Variants in CEMIP observed in about 807,000 individuals in gnomAD.
CEMIP encodes cell migration inducing hyaluronidase 1, also known as cell migration-inducing and hyaluronan-binding protein.
CEMIP carries 105 observed loss-of-function variants against 156.9 expected under a neutral mutation model. The observed-to-expected ratio is 0.67, with a 90% CI of 0.57 to 0.79. The LOEUF (loss-of-function observed/expected upper bound fraction) is 0.79. Ranked by LOEUF, CEMIP falls within the 30% of genes least tolerant of loss-of-function variation. CEMIP has a pLI of 0.00. For missense variants in CEMIP, 1,457 were observed against 1,769.4 expected (o/e 0.82, Z 3.17); for synonymous variants, 676 against 668.4 (o/e 1.01, Z -0.17).
rs193001803 is a variant in CEMIP, at chr15:80,858,744, G to T, written c.-175-14794G>T. On this transcript the variant is annotated intron_variant, in intron 1 of 29. Transcript: ENST00000394685. ...CCATCTCAAAAAAAAAAGAAAAAAA[G>T]AACTAATCTTCATCTTTCCTTCTCC... Among the ~76,000 whole-genome samples, 17 of 152,082 alleles carry T rather than the reference G, an allele frequency of 1.1e-4. No homozygotes were observed. In the East Asian group the frequency reaches 2.9e-3, roughly 26 times the overall value.
intron 24 of CEMIP, among the ~76,000 whole-genome samples, chr15:80,937,175 A>G (rs1901160855): frequency 6.6e-6 from 1 of 152,206 alleles, no homozygotes; most frequent in Non-Finnish European, 1.5e-5. Flanking sequence ...ACCCAAGGAG[A>G]TAAGGTATGG....
In CEMIP at chr15:80,906,730, T is replaced by A; in HGVS notation, c.1479T>A (p.Leu493=). The A allele has an allele frequency of 6.2e-7, 1 of 1,614,196 alleles. No homozygotes were observed. Among genetic ancestry groups the A allele is most frequent in the Non-Finnish European group, 8.5e-7 (1 of 1,180,030 alleles). The change falls in exon 13 of 30, where the codon CTT becomes CTA. Residue 493 remains leucine, a synonymous_variant. Coordinates refer to ENST00000394685, the MANE Select transcript of CEMIP (RefSeq NM_001293298.2). The surrounding 1 kb of genome is among the most constrained non-coding windows in gnomAD (Gnocchi z 4.3). ...TGGACATGCGGGCGGAGGTTGGGCT[T>A]CTGAGCCGGAACATCATAGTGATGG... ...DGVDMRAEVG[L]LSRNIIVMGE... is the part of the protein sequence containing the mutation.
At chr15:80,890,779 G>C (rs1465514864) in intron 10 of CEMIP, among the ~76,000 whole-genome samples, 1 of 152,178 alleles carries the variant, frequency 6.6e-6, no homozygotes, top group African/African-American at 2.4e-5. Flanking sequence ...ATCCTGGGCA[G>C]AACTTCTACC....
intron 1 of CEMIP, among the ~76,000 whole-genome samples, chr15:80,854,855 C>T (rs1320731156): frequency 6.6e-6 from 1 of 152,016 alleles, no homozygotes; most frequent in African/African-American, 2.4e-5. Flanking sequence ...TTAAAAAAAC[C>T]CACAGAAATT....
chr15:80,924,492 G>A (rs189252061), intron 17 of CEMIP, 129 bp from the exon 18 acceptor site: 437 of 796,284 alleles, frequency 5.5e-4, no homozygotes, highest in Middle Eastern at 3.6e-3. Context: ...CTCTACTTCT[G>A]TTGATGCAGC....
chr15:80,931,923 C>T lies in CEMIP; in HGVS notation c.2677C>T (p.Arg893Ter), dbSNP rs373888728. 8.1e-6 allele frequency: 13 copies of T among 1,614,110 alleles called. No homozygotes were observed. The highest frequency in any genetic ancestry group is 3.3e-5 in the Admixed American group (2 of 60,008). ...GPINIQNCTFRKFVALEGRHT... is the reference protein window; with the variant it reads ...GPINIQNCTF ...CATCAACATCCAAAACTGCACTTTC[C>T]GAAAGTTTGTGGCCCTGGAGGGCCG... Residue 893 changes from arginine (R) to a stop codon, truncating the protein, a stop_gained, in exon 22 of 30, where the codon CGA becomes TGA. Transcript: ENST00000394685. LOFTEE classifies it high-confidence loss of function.
Position 80,872,779 on chromosome 15 carries a change from C to T in CEMIP, c.-175-759C>T, listed in dbSNP as rs564613924. Among the ~76,000 whole-genome samples, 105 of 152,310 alleles carry T rather than the reference C, an allele frequency of 6.9e-4. No individual in the cohort carries two copies. The South Asian group carries it at 8.7e-3, about 13-fold the overall frequency. ...GCAGTGAGCCGAGCTCCCGCCACTA[C>T]ACTCTAGCCTGGTGACAGAGCAAGA... On this transcript the variant is annotated intron_variant, in intron 1 of 29. Coordinates refer to ENST00000394685, the MANE Select transcript of CEMIP (RefSeq NM_001293298.2).
intron 1 of CEMIP, among the ~76,000 whole-genome samples, chr15:80,862,738 C>T (rs963923625): frequency 2.6e-5 from 4 of 152,146 alleles, no homozygotes; most frequent in African/African-American, 9.7e-5. Flanking sequence ...AGCTAAACCC[C>T]CAGTGAGAGG....
At position 80,895,854 on chromosome 15, in the gene CEMIP, T is replaced by C; in HGVS notation, c.1220-15T>C. ...CAAAGGGCTCTATCTCAGTCTTTCC[T>C]GTTTTGGGTTACAGTGAGGCCCAAA... On this transcript the variant is annotated splice_polypyrimidine_tract_variant and intron_variant, in intron 11 of 29. Transcript: ENST00000394685. 1 of 1,614,004 alleles carries C rather than the reference T, an allele frequency of 6.2e-7. No homozygotes were observed. The highest frequency in any genetic ancestry group is 1.1e-5 in the South Asian group (1 of 91,072).
At chr15:80,861,968 C>T (rs1304715843) in intron 1 of CEMIP, among the ~76,000 whole-genome samples, 2 of 152,146 alleles carry the variant, frequency 1.3e-5, no homozygotes, top group African/African-American at 2.4e-5. Flanking sequence ...TTTTAGCTGC[C>T]GGCTCTGAGG....
chr15:80,812,816 G>A (rs1896701320), intron 1 of CEMIP, among the ~76,000 whole-genome samples: 1 of 152,170 alleles, frequency 6.6e-6, no homozygotes, highest in South Asian at 2.1e-4. Flanking sequence ...TGGAATGAAA[G>A]TGCTGTTAAC....
intron 1 of CEMIP, among the ~76,000 whole-genome samples, chr15:80,860,930 C>T (rs1036847463): frequency 3.9e-5 from 6 of 152,154 alleles, no homozygotes; most frequent in Non-Finnish European, 7.3e-5. Context: ...TCTCTTCCTT[C>T]CGGTGCCTGC....
chr15:80,917,184 G>A (rs11637911), intron 14 of CEMIP, among the ~76,000 whole-genome samples: 111,311 of 152,052 alleles, frequency 0.73, 44,006 homozygotes, highest in Non-Finnish European at 0.87. Context: ...TTTTAGAATA[G>A]GAATATACCT....
intron 23 of CEMIP, among the ~76,000 whole-genome samples, chr15:80,935,958 G>A (rs1185489567): frequency 6.6e-5 from 10 of 152,276 alleles, no homozygotes; most frequent in Admixed American, 3.9e-4. Flanking sequence ...GGCTGGTCTC[G>A]AACTCCCAAC....
At chr15:80,873,272 C>T (rs1898356773) in intron 1 of CEMIP, among the ~76,000 whole-genome samples, 2 of 152,310 alleles carry the variant, frequency 1.3e-5, no homozygotes, top group South Asian at 2.1e-4. Context: ...GCTACATCTT[C>T]CTCCTAGATA....
intron 1 of CEMIP, among the ~76,000 whole-genome samples, chr15:80,827,187 A>C (rs1288602585): frequency 6.6e-6 from 1 of 152,134 alleles, no homozygotes; most frequent in Non-Finnish European, 1.5e-5. Context: ...CCACCATTTG[A>C]AGCACATGAT....
At chr15:80,905,226 C>T (rs948527544) in intron 12 of CEMIP, among the ~76,000 whole-genome samples, 3 of 152,180 alleles carry the variant, frequency 2.0e-5, no homozygotes, top group African/African-American at 4.8e-5. Context: ...AAGATCACAG[C>T]GAAAGCCAAG....
chr15:80,936,299 T>C (rs1369015702), intron 23 of CEMIP, among the ~76,000 whole-genome samples: 1 of 152,198 alleles, frequency 6.6e-6, no homozygotes, highest in Admixed American at 6.5e-5. Context: ...CATTTTATGG[T>C]AGAATTAAAA....
At chr15:80,901,970 G>T (rs541409292) in intron 12 of CEMIP, among the ~76,000 whole-genome samples, 17 of 152,098 alleles carry the variant, frequency 1.1e-4, no homozygotes, top group Admixed American at 1.3e-4. Context: ...GTTTAAGTTT[G>T]CTTTCTGGGG....
Sources: gnomAD v4.1 joint callset for allele counts (sites outside exome capture counted in the v4.1 genomes callset) on GRCh38, gnomAD v4.1.1 for gene constraint, Gnocchi (gnomAD v3.1) non-coding constraint, MANE v1.5 for transcripts, NCBI Gene and HGNC (gene_info 2026-07-23, HGNC 2026-07-21) for gene names.